ITGA2B: variants seen among roughly 807,000 people sequenced by gnomAD.
The protein encoded by ITGA2B is integrin alpha-IIb.
In ITGA2B, 91 loss-of-function variants were observed where a neutral mutation model predicts 142.0. That is an observed-to-expected ratio of 0.64 (90% CI 0.54 to 0.76). The LOEUF (loss-of-function observed/expected upper bound fraction) is 0.76, where lower values mean the gene tolerates loss of function less well. Among genes scored for constraint, ITGA2B ranks in the 30% least tolerant of loss-of-function variants. ITGA2B has a pLI of 0.00. For synonymous variants in ITGA2B, 536 were observed against 567.2 expected, an observed-to-expected ratio of 0.94 and a Z score of 0.78; for missense variants, 1,231 against 1,350.8, an observed-to-expected ratio of 0.91 and a Z score of 1.39.
intron 29 of ITGA2B, chr17:44,374,147 C>G: frequency 1.7e-6 from 1 of 598,102 alleles, no homozygotes; most frequent in Non-Finnish European, 3.0e-6. Context: ...CTCAGGTGAT[C>G]TAAACGCTTT....
In ITGA2B at chr17:44,380,173, A is replaced by G; in HGVS notation, c.1601-20T>C. ...TTAGGGCTGGCAGGGCAAGCAGAAG[A>G]GTCAGGACCTCCCTGGCCAGCCTCC... On this transcript the variant is annotated intron_variant, in intron 16 of 29. Coordinates refer to ENST00000262407, the MANE Select transcript of ITGA2B (RefSeq NM_000419.5). The G allele has an allele frequency of 6.2e-7, 1 of 1,613,536 alleles. No individual in the cohort carries two copies. Among genetic ancestry groups the G allele is most frequent in the Non-Finnish European group, 8.5e-7 (1 of 1,179,886 alleles).
Position 44,378,506 on chromosome 17 carries a change from C to T in ITGA2B, c.1950G>A (p.Thr650=), listed in dbSNP as rs201322633. 2.2e-5 allele frequency: 36 copies of T among 1,613,594 alleles called. No individual in the cohort carries two copies. The highest frequency in any genetic ancestry group is 4.5e-5 in the East Asian group (2 of 44,858). Residue 650 remains threonine, a synonymous_variant, in exon 20 of 30, where the codon ACG becomes ACA. Transcript: ENST00000262407. ...VPQLQLTASV[T]GSPLLVGADN... ...CTGCCCCAACTAGGAGCGGGGAGCC[C>T]GTCCTGTGGGGAAAGAGGAGTGAAG...
At chr17:44,385,244 T>C in intron 5 of ITGA2B, 35 bp from the exon 6 acceptor site, 5 of 1,613,812 alleles carry the variant, frequency 3.1e-6, no homozygotes, top group Non-Finnish European at 4.2e-6. Context: ...GAGGGGGCCC[T>C]GTTTGGGAGC....
In ITGA2B at chr17:44,389,536, C is replaced by T; in HGVS notation, c.-63G>A. ...AGCTCCTCCTCCTTCCCTTCAGATT[C>T]CTCCACAGGAAGTCTTTTCTTATCA... On this transcript the variant is annotated 5_prime_UTR_variant, in exon 1 of 30. Transcript: ENST00000262407. The T allele has an allele frequency of 6.4e-7, 1 of 1,559,208 alleles. No homozygotes were observed. The highest frequency in any genetic ancestry group is 8.8e-7 in the Non-Finnish European group (1 of 1,138,818).
In ITGA2B at chr17:44,385,574, C is replaced by T. The variant is rs752291386; in HGVS notation, c.551G>A (p.Arg184His). 5.6e-6 allele frequency: 9 copies of T among 1,600,244 alleles called. No individual in the cohort carries two copies. The highest frequency in any genetic ancestry group is 4.0e-5 in the African/African-American group (3 of 74,820). ...ACTAAAATCATTTTCCACGTAAATG[C>T]GGCTCAGGGTGTTCCCGCGACAGGG... is the stretch of plus-strand genomic sequence containing the variant. Reference protein sequence around the residue: ...YSPCRGNTLSRIYVENDFSWD... With the variant: ...YSPCRGNTLSHIYVENDFSWD... Residue 184 changes from arginine (R) to histidine (H), a missense_variant, in exon 4 of 30, where the codon CGC becomes CAC. This residue lies in a region of ITGA2B where 318 missense variants were observed against 312.2 expected (regional missense o/e 1.02). Coordinates refer to ENST00000262407, the MANE Select transcript of ITGA2B (RefSeq NM_000419.5).
Position 44,378,403 on chromosome 17 carries a change from G to T in ITGA2B, c.2053C>A (p.Pro685Thr), listed in dbSNP as rs191789319. Residue 685 changes from proline (P) to threonine (T), a missense_variant, in exon 20 of 30, where the codon CCC (proline) becomes ACC (threonine). Pro to Thr is a conservative substitution (Grantham distance 38). Around this residue, in one of 3 missense-constraint regions of ITGA2B, gnomAD observed 908 missense variants for 1,021.1 expected, o/e 0.89. Coordinates refer to ENST00000262407, the MANE Select transcript of ITGA2B (RefSeq NM_000419.5). ...AYEAELAVHL[P>T]QGAHYMRALS... ...GCCCGCATGTAGTGGGCGCCCTGGG[G>T]CAGGTGCACGGCCAGCTCTGCTTCA... 1.3e-5 allele frequency: 21 copies of T among 1,613,460 alleles called. No individual in the cohort carries two copies. In the African/African-American group the frequency reaches 2.4e-4, roughly 18 times the overall value.
Position 44,376,070 on chromosome 17 carries a change from G to T in ITGA2B, c.2448+15C>A, listed in dbSNP as rs1295726297. On this transcript the variant is annotated intron_variant, in intron 24 of 29. Transcript: ENST00000262407. ...ACCCGCTCACCCCAGCCAGGGACGCGAGGCTCCCCAATACCTCATAGGTGT... is the reference window on the plus strand; with the variant it reads ...ACCCGCTCACCCCAGCCAGGGACGCTAGGCTCCCCAATACCTCATAGGTGT... 1 of 1,614,024 alleles carries T rather than the reference G, an allele frequency of 6.2e-7. No individual in the cohort carries two copies. The highest frequency in any genetic ancestry group is 1.7e-5 in the Admixed American group (1 of 60,014).
At chr17:44,379,400 G>A (rs576606181) in intron 18 of ITGA2B, among the ~76,000 whole-genome samples, 13 of 151,912 alleles carry the variant, frequency 8.6e-5, no homozygotes, top group African/African-American at 2.4e-4. Flanking sequence ...ACAGGCATGC[G>A]TCACCACACC....
At chr17:44,373,903 CTATTTTTTTCT>C (rs2048516844) in intron 29 of ITGA2B, 1 of 191,832 alleles carries the variant, frequency 5.2e-6, no homozygotes, top group Non-Finnish European at 1.0e-5. Context: ...GAAAGACATT[CTATTTTTTTCT>C]TTTTTTTTTG....
rs2048615183 is a variant in ITGA2B, at chr17:44,383,595, C to T, written c.1108G>A (p.Ala370Thr). 3.7e-6 allele frequency: 6 copies of T among 1,610,880 alleles called. No individual in the cohort carries two copies. Among genetic ancestry groups the T allele is most frequent in the Non-Finnish European group, 5.1e-6 (6 of 1,179,396 alleles). ...AGCAGGAGGCTGGGGGCACCCAGCG[C>T]GTGGGGGCCTCGCGGCTGCAGGAAC... ...YLFLQPRGPH[A>T]LGAPSLLLTG... Residue 370 changes from alanine to threonine, a missense_variant, in exon 12 of 30, where the codon GCG becomes ACG. Transcript: ENST00000262407.
intron 12 of ITGA2B, among the ~76,000 whole-genome samples, chr17:44,382,890 C>A (rs7223967): frequency 0.13 from 19,526 of 151,970 alleles, 2,184 homozygotes; most frequent in African/African-American, 0.31. Flanking sequence ...GTAGGAGTCA[C>A]CTAAATGCTT....
At chr17:44,384,713 T>C in intron 7 of ITGA2B, 128 bp from the exon 8 acceptor site, 1 of 1,302,306 alleles carries the variant, frequency 7.7e-7, no homozygotes, top group Non-Finnish European at 1.1e-6. Flanking sequence ...AACGGAGGCC[T>C]TCGAGGGGCC....
chr17:44,381,318 T>C (rs1323559626), intron 12 of ITGA2B, among the ~76,000 whole-genome samples: 3 of 151,704 alleles, frequency 2.0e-5, no homozygotes. Flanking sequence ...TTAAGCATCA[T>C]TATTCCCTTT....
chr17:44,384,266 A>G (rs1398508875), intron 9 of ITGA2B, 45 bp downstream of exon 9: 1 of 1,611,258 alleles, frequency 6.2e-7, no homozygotes, highest in Admixed American at 1.7e-5. Context: ...CAGCCTGAGA[A>G]CTGGGATAAG....
rs2143507940 is a variant in ITGA2B, at chr17:44,389,550, C to T, written c.-77G>A. ...CCCTTCAGATTCCTCCACAGGAAGT[C>T]TTTTCTTATCAAACTGGAACCCCAA... On this transcript the variant is annotated 5_prime_UTR_variant, in exon 1 of 30. Coordinates refer to ENST00000262407, the MANE Select transcript of ITGA2B (RefSeq NM_000419.5). 2 of 1,500,268 alleles carry T rather than the reference C, an allele frequency of 1.3e-6. No individual in the cohort carries two copies. The highest frequency in any genetic ancestry group is 2.3e-5 in the East Asian group (1 of 42,554). 92.9% of individuals were successfully genotyped at this position (1,500,268 alleles called of 1,614,324 possible).
intron 1 of ITGA2B, among the ~76,000 whole-genome samples, chr17:44,387,684 G>A (rs2048661493): frequency 6.6e-6 from 1 of 151,670 alleles, no homozygotes. Context: ...AATTAGCCGG[G>A]TGTGGTGGCA....
chr17:44,385,140 G>A (rs775676230), intron 6 of ITGA2B, 24 bp downstream of exon 6: 1 of 1,614,130 alleles, frequency 6.2e-7, no homozygotes, highest in Admixed American at 1.7e-5. Context: ...GAGAAGGGAG[G>A]GAGGTGTACG....
In ITGA2B at chr17:44,374,970, G is replaced by A. The variant is rs200677976; in HGVS notation, c.2841+28C>T. 6.1e-3 allele frequency: 6,498 copies of A among 1,070,630 alleles called. 32 individuals carry two copies. Among genetic ancestry groups the A allele is most frequent in the Non-Finnish European group, 6.6e-3 (5,084 of 776,158 alleles). The allele number at this position is 1,070,630 out of a possible 1,614,324, so 66.3% of individuals were successfully genotyped here. A position where few individuals can be genotyped will look rare whatever the true frequency, so the allele number is the denominator to read the frequency against. On this transcript the variant is annotated intron_variant, in intron 27 of 29. Coordinates refer to ENST00000262407, the MANE Select transcript of ITGA2B (RefSeq NM_000419.5). Reference sequence around the variant, plus strand: ...AAAGTGGTCCCCGCCCAGAAGGCCCGGCCCCGCCCCACCACGGCCCACCCC... The same window carrying A: ...AAAGTGGTCCCCGCCCAGAAGGCCCAGCCCCGCCCCACCACGGCCCACCCC...
At position 44,389,278 on chromosome 17, in the gene ITGA2B, C is replaced by G. The variant is rs13306471; in HGVS notation, c.188+8G>C. 31 of 1,613,870 alleles carry G rather than the reference C, an allele frequency of 1.9e-5. No individual in the cohort carries two copies. Among genetic ancestry groups the G allele is most frequent in the African/African-American group, 5.3e-5 (4 of 74,922 alleles). On this transcript the variant is annotated splice_region_variant and intron_variant, in intron 1 of 29. Coordinates refer to ENST00000262407, the MANE Select transcript of ITGA2B (RefSeq NM_000419.5). ...TCTCCCAATACCCCAACTTCCCTTACGGCTCACCTCCCATGGCTGTCCTTG... is the reference window on the plus strand; with the variant it reads ...TCTCCCAATACCCCAACTTCCCTTAGGGCTCACCTCCCATGGCTGTCCTTG...
Sources: gnomAD v4.1 joint callset for allele counts (sites outside exome capture counted in the v4.1 genomes callset) on GRCh38, gnomAD v4.1.1 for gene constraint, gnomAD v4.1.1 regional missense constraint, MANE v1.5 for transcripts, NCBI Gene and HGNC (gene_info 2026-07-23, HGNC 2026-07-21) for gene names.